The following RTBDN variants were observed in gnomAD, a reference collection of about 807,000 sequenced individuals.
RTBDN encodes retbindin.
Under a neutral mutation model 21.9 loss-of-function variants are expected in RTBDN, and 24 were observed. The observed-to-expected ratio is 1.10, with a 90% CI of 0.79 to 1.54. RTBDN has a LOEUF of 1.54. Ranked by LOEUF, RTBDN falls within the 40% of genes most tolerant of loss-of-function variation. The probability of loss-of-function intolerance (pLI) is 0.00; values close to 1 mark genes in which losing one functional copy is unlikely to be tolerated. For synonymous variants in RTBDN, 141 were observed against 125.9 expected (o/e 1.12, Z -0.80); for missense variants, 325 against 315.2 (o/e 1.03, Z -0.23).
chr19:12,831,354 A>G (rs1969566549), intron 1 of RTBDN, among the ~76,000 whole-genome samples: 1 of 152,178 alleles, frequency 6.6e-6, no homozygotes, highest in African/African-American at 2.4e-5. Flanking sequence ...TCATTCAACA[A>G]ACATTTATTG....
chr19:12,826,696 GAAATAAAT>G (rs149645338), intron 5 of RTBDN, 71 bp downstream of exon 5: 6 of 1,039,172 alleles, frequency 5.8e-6, no homozygotes, highest in South Asian at 4.3e-5. Context: ...CTCCGTCTCA[GAAATAAAT>G]AAATAAATAA....
At chr19:12,834,795 G>A, upstream of RTBDN, 1 of 1,614,156 alleles carries the variant, frequency 6.2e-7, no homozygotes, top group Non-Finnish European at 8.5e-7. This position sits in a 1 kb window ranked among gnomAD's most constrained non-coding sequence, Gnocchi z 4.7. Context: ...CTCCAAGGTG[G>A]GGAGGGATTC....
rs1969691935 is a variant in RTBDN, at chr19:12,834,546, T to G, written c.-76A>C. ...TAATTGGACAGGCACCTAGACAGCT[T>G]TCTCACTCTTCATTCCACCTCCTCC... is the stretch of plus-strand genomic sequence containing the variant. On this transcript the variant is annotated 5_prime_UTR_variant, in exon 1 of 6. Coordinates refer to ENST00000674343, the MANE Select transcript of RTBDN (RefSeq NM_001270441.2). The surrounding 1 kb of genome is among the most constrained non-coding windows in gnomAD (Gnocchi z 4.7). The G allele has an allele frequency of 2.6e-6, 4 of 1,533,246 alleles. No homozygotes were observed. The highest frequency in any genetic ancestry group is 2.4e-5 in the East Asian group (1 of 40,834). The allele number at this position is 1,533,246 out of a possible 1,614,324, so 95.0% of individuals were successfully genotyped here.
intron 5 of RTBDN, 66 bp downstream of exon 5, chr19:12,826,708 TA>T: frequency 6.5e-6 from 7 of 1,073,182 alleles, no homozygotes; most frequent in Non-Finnish European, 9.6e-6. Context: ...AATAAATAAA[TA>T]AATAAATAAA....
At position 12,834,488 on chromosome 19, in the gene RTBDN, C is replaced by A. The variant is rs747996430; in HGVS notation, c.-19+1G>T. On this transcript the variant is annotated splice_donor_variant, in intron 1 of 5. Coordinates refer to ENST00000674343, the MANE Select transcript of RTBDN (RefSeq NM_001270441.2). LOFTEE classifies it low-confidence loss of function (5UTR_SPLICE). This position sits in a 1 kb window ranked among gnomAD's most constrained non-coding sequence, Gnocchi z 4.7. Reference sequence around the variant, plus strand: ...TAGGACGCCCTGCGTCCCCCACGCACCTGCCTGGCCATCAGGATTCTTCCT... The same window carrying A: ...TAGGACGCCCTGCGTCCCCCACGCAACTGCCTGGCCATCAGGATTCTTCCT... 2 of 1,535,260 alleles carry A rather than the reference C, an allele frequency of 1.3e-6. No homozygotes were observed. The highest frequency in any genetic ancestry group is 2.4e-5 in the South Asian group (2 of 84,054).
chr19:12,835,111 C>G (rs371005746), upstream of RTBDN: 2 of 1,612,814 alleles, frequency 1.2e-6, no homozygotes, highest in African/African-American at 2.7e-5. Flanking sequence ...CTAGACTCCC[C>G]TAATCCATCA....
At chr19:12,827,373 A>AGT (rs1162476329) in intron 4 of RTBDN, among the ~76,000 whole-genome samples, 1 of 136,694 alleles carries the variant, frequency 7.3e-6, no homozygotes, top group East Asian at 2.2e-4. Flanking sequence ...CCCAGGCTGG[A>AGT]GTGCAGTGGC....
chr19:12,831,235 A>C (rs553976208), intron 1 of RTBDN, among the ~76,000 whole-genome samples: 1 of 152,328 alleles, frequency 6.6e-6, no homozygotes, highest in South Asian at 2.1e-4. Flanking sequence ...ATGAATGAAC[A>C]AAGAAATGTC....
chr19:12,826,520 G>A (rs958897997), intron 5 of RTBDN: 10 of 778,870 alleles, frequency 1.3e-5, no homozygotes, highest in African/African-American at 1.1e-4. Flanking sequence ...ATGGTGAAAC[G>A]CTGACTCTAC....
chr19:12,825,849 T>G lies in RTBDN; in HGVS notation c.547A>C (p.Asn183His). 6.2e-7 allele frequency: 1 copy of G among 1,613,292 alleles called. No individual in the cohort carries two copies. Among genetic ancestry groups the G allele is most frequent in the East Asian group, 2.2e-5 (1 of 44,846 alleles). The change falls in exon 6 of 6, where the codon AAC becomes CAC. Residue 183 changes from asparagine (N) to histidine (H), a missense_variant. By Grantham distance (68) the Asn-to-His change is moderately conservative (BLOSUM62 1). Coordinates refer to ENST00000674343, the MANE Select transcript of RTBDN (RefSeq NM_001270441.2). ...VAAPGARHCFNISISAVPRPR... is the reference protein window; with the variant it reads ...VAAPGARHCFHISISAVPRPR... ...CGAGGTACCGCGGAGATGGAGATGTTGAAGCAGTGACGGGCTCCAGGAGCA... is the reference window on the plus strand; with the variant it reads ...CGAGGTACCGCGGAGATGGAGATGTGGAAGCAGTGACGGGCTCCAGGAGCA...
At chr19:12,829,092 G>T in intron 2 of RTBDN, 139 bp from the exon 3 acceptor site, 1 of 1,380,930 alleles carries the variant, frequency 7.2e-7, no homozygotes, top group Non-Finnish European at 9.6e-7. Flanking sequence ...CCCTTCCTTT[G>T]GAATGCAAAT....
Position 12,829,945 on chromosome 19 carries a change from A to C in RTBDN, c.35T>G (p.Leu12Arg), listed in dbSNP as rs764919403. 1.4e-5 allele frequency: 22 copies of C among 1,613,934 alleles called. No individual in the cohort carries two copies. The highest frequency in any genetic ancestry group is 8.3e-5 in the Admixed American group (5 of 59,994). ...CAAGGTCAGTTGCAGCACCCACGTCAGGCCGATGGGTCGCATGTGGACCCT... is the reference window on the plus strand; with the variant it reads ...CAAGGTCAGTTGCAGCACCCACGTCCGGCCGATGGGTCGCATGTGGACCCT... Reference protein sequence around the residue: ...DCRVHMRPIGLTWVLQLTLAW... With the variant: ...DCRVHMRPIGRTWVLQLTLAW... Residue 12 changes from leucine to arginine, a missense_variant, in exon 2 of 6, where the codon CTG becomes CGG. By Grantham distance (102) the Leu-to-Arg change is moderately radical (BLOSUM62 -2). Transcript: ENST00000674343.
intron 1 of RTBDN, among the ~76,000 whole-genome samples, chr19:12,832,021 G>A (rs2045114980): frequency 1.3e-5 from 2 of 152,198 alleles, no homozygotes; most frequent in Non-Finnish European, 2.9e-5. Flanking sequence ...TTGTATGGCT[G>A]CAGATGTGAG....
chr19:12,833,249 C>T (rs1045862564), intron 1 of RTBDN, among the ~76,000 whole-genome samples: 4 of 152,066 alleles, frequency 2.6e-5, no homozygotes, highest in Middle Eastern at 3.2e-3. Flanking sequence ...AAATGTTTCT[C>T]TGTAAGCATG....
intron 5 of RTBDN, chr19:12,826,158 G>A: frequency 7.3e-7 from 1 of 1,378,578 alleles, no homozygotes; most frequent in Middle Eastern, 2.4e-4. Flanking sequence ...CAGTTGGGGG[G>A]CGCGCAGAGA....
rs1163236428 is a variant in RTBDN at position 12,829,792 on chromosome 19, C to T, written c.169+19G>A. On this transcript the variant is annotated intron_variant, in intron 2 of 5. Transcript: ENST00000674343. ...GGGTTTCTGGGTGTTGGTGGTGAGG[C>T]AGGGTCTGGGGTGCTCACCTGCCAG... is the stretch of plus-strand genomic sequence containing the variant. 1.3e-6 allele frequency: 2 copies of T among 1,589,674 alleles called. No individual in the cohort carries two copies. The highest frequency in any genetic ancestry group is 2.2e-5 in the South Asian group (2 of 90,320).
At chr19:12,831,882 G>T (rs553842999) in intron 1 of RTBDN, among the ~76,000 whole-genome samples, 2 of 152,322 alleles carry the variant, frequency 1.3e-5, no homozygotes, top group Admixed American at 1.3e-4. Context: ...GATAATTTGT[G>T]TGCAACTGGA....
chr19:12,829,124 C>G (rs1294666721), intron 2 of RTBDN, 171 bp from the exon 3 acceptor site: 2 of 1,084,176 alleles, frequency 1.8e-6, no homozygotes, highest in Non-Finnish European at 2.6e-6. Flanking sequence ...TAGTAATAAT[C>G]ATTTCTTGTT....
intron 5 of RTBDN, chr19:12,826,225 G>A: frequency 7.6e-7 from 1 of 1,312,888 alleles, no homozygotes. Context: ...GGTCCTCCAG[G>A]GTAAAATGTG....
Sources: allele counts gnomAD v4.1 joint callset (sites outside exome capture counted in the v4.1 genomes callset), GRCh38; gene constraint gnomAD v4.1.1; non-coding constraint Gnocchi (gnomAD v3.1); transcripts MANE v1.5; gene names NCBI Gene and HGNC (gene_info 2026-07-23, HGNC 2026-07-21).